Variants in ANKRD44 observed in about 807,000 individuals in gnomAD.
ANKRD44 encodes ankyrin repeat domain 44, also known as serine/threonine-protein phosphatase 6 regulatory ankyrin repeat subunit B.
In ANKRD44, 35 loss-of-function variants were observed where a neutral mutation model predicts 116.0. That is an observed-to-expected ratio of 0.30 (90% CI 0.23 to 0.40). ANKRD44 has a LOEUF of 0.40. ANKRD44 is among the 10% of genes least tolerant of loss of function. The pLI is 1.00. For missense variants in ANKRD44, 1,014 were observed against 1,242.6 expected (o/e 0.82, Z 2.77); for synonymous variants, 435 against 461.8 (o/e 0.94, Z 0.74).
intron 8 of ANKRD44, among the ~76,000 whole-genome samples, chr2:197,113,449 T>C (rs2078636707): frequency 6.6e-6 from 1 of 152,252 alleles, no homozygotes; most frequent in Non-Finnish European, 1.5e-5. Context: ...TTTCTCTTAA[T>C]ATGAAACCAT....
intron 2 of ANKRD44, among the ~76,000 whole-genome samples, chr2:197,184,361 G>A (rs921241900): frequency 1.3e-5 from 2 of 151,902 alleles, no homozygotes; most frequent in Non-Finnish European, 2.9e-5. Flanking sequence ...TTCCATGGTG[G>A]CCGGGCGCAG....
intron 16 of ANKRD44, among the ~76,000 whole-genome samples, chr2:197,075,492 G>A (rs1384621036): frequency 6.6e-6 from 1 of 152,158 alleles, no homozygotes; most frequent in Non-Finnish European, 1.5e-5. Context: ...ACAGCTCTCA[G>A]TACATGTTTG....
At chr2:196,982,108 T>TATATATATATATATA (rs2075805174), downstream of ANKRD44, among the ~76,000 whole-genome samples, 1 of 96,548 alleles carries the variant, frequency 1.0e-5, no homozygotes, top group Non-Finnish European at 2.1e-5. Flanking sequence ...CTAAAAAAAA[T>TATATATATATATATA]TATATATATA....
chr2:197,246,151 C>T (rs1459817203), intron 1 of ANKRD44, among the ~76,000 whole-genome samples: 3 of 151,918 alleles, frequency 2.0e-5, no homozygotes, highest in African/African-American at 4.8e-5. Context: ...AATGACTGTG[C>T]CCTGCCTACC....
chr2:197,119,205 T>A (rs2078794934), intron 8 of ANKRD44, among the ~76,000 whole-genome samples: 1 of 152,152 alleles, frequency 6.6e-6, no homozygotes, highest in African/African-American at 2.4e-5. Context: ...ATGATTATTT[T>A]CCTTTTTTTT....
intron 1 of ANKRD44, among the ~76,000 whole-genome samples, chr2:197,235,679 C>T (rs1417384166): frequency 2.0e-5 from 3 of 148,842 alleles, no homozygotes; most frequent in Non-Finnish European, 4.4e-5. Context: ...ATAAAAACAG[C>T]TGGGGAGATA....
chr2:197,137,691 C>G (rs1419179745), intron 3 of ANKRD44, among the ~76,000 whole-genome samples: 1 of 152,186 alleles, frequency 6.6e-6, no homozygotes, highest in Non-Finnish European at 1.5e-5. Context: ...AAAACAAAGA[C>G]AGCTGGAATG....
At chr2:197,025,803 G>A (rs1320426595) in intron 16 of ANKRD44, among the ~76,000 whole-genome samples, 1 of 152,134 alleles carries the variant, frequency 6.6e-6, no homozygotes, top group Non-Finnish European at 1.5e-5. Context: ...TAAATAAGAA[G>A]AATTAAACCA....
chr2:197,216,606 A>C (rs185906479), intron 1 of ANKRD44, among the ~76,000 whole-genome samples: 2,270 of 152,220 alleles, frequency 0.015, 69 homozygotes, highest in African/African-American at 0.052. Flanking sequence ...TTGTGGGAGG[A>C]GAGCAAGGGT....
chr2:196,989,484 C>A lies in ANKRD44; in HGVS notation c.*107G>T. The A allele has an allele frequency of 1.5e-6, 2 of 1,338,466 alleles. No homozygotes were observed. Among genetic ancestry groups the A allele is most frequent in the South Asian group, 4.0e-5 (2 of 49,400 alleles). 82.9% of individuals were successfully genotyped at this position (1,338,466 alleles called of 1,614,324 possible). ...CCATTTTAGACTGAAGCATTTTGGTCCTCATGTGTAGCTGGCTGATGAACT... is the reference window on the plus strand; with the variant it reads ...CCATTTTAGACTGAAGCATTTTGGTACTCATGTGTAGCTGGCTGATGAACT... On this transcript the variant is annotated 3_prime_UTR_variant, in exon 28 of 28. Coordinates refer to ENST00000282272, the MANE Select transcript of ANKRD44 (RefSeq NM_001195144.2).
chr2:197,002,915 A>T (rs1222368159), intron 21 of ANKRD44, among the ~76,000 whole-genome samples: 2 of 152,204 alleles, frequency 1.3e-5, no homozygotes, highest in Non-Finnish European at 2.9e-5. Flanking sequence ...GACAATTTGA[A>T]ATATTAAAAT....
At chr2:197,077,586 A>G (rs993882234) in intron 16 of ANKRD44, among the ~76,000 whole-genome samples, 1 of 152,198 alleles carries the variant, frequency 6.6e-6, no homozygotes, top group South Asian at 2.1e-4. Flanking sequence ...ACTACACCCC[A>G]GAGGAATTTT....
chr2:197,234,194 A>ATTT (rs11436827), intron 1 of ANKRD44, among the ~76,000 whole-genome samples: 125 of 144,468 alleles, frequency 8.7e-4, no homozygotes, highest in African/African-American at 2.5e-3. Flanking sequence ...TAAGTCATAG[A>ATTT]TTTTTTTTTT....
At chr2:197,165,546 T>C (rs1189728932) in intron 2 of ANKRD44, among the ~76,000 whole-genome samples, 1 of 152,160 alleles carries the variant, frequency 6.6e-6, no homozygotes, top group Admixed American at 6.5e-5. Context: ...GGAATAGTGA[T>C]TGGGAACCAG....
intron 13 of ANKRD44, among the ~76,000 whole-genome samples, chr2:197,086,343 A>G (rs2077922565): frequency 6.6e-6 from 1 of 152,172 alleles, no homozygotes; most frequent in Admixed American, 6.5e-5. Flanking sequence ...ATAATAAAAT[A>G]TTCTAGATCT....
intron 1 of ANKRD44, among the ~76,000 whole-genome samples, chr2:197,254,175 C>T (rs1237095038): frequency 6.6e-6 from 1 of 152,178 alleles, no homozygotes; most frequent in African/African-American, 2.4e-5. Context: ...GGCAGATCAC[C>T]TGAGGTCAGG....
chr2:197,104,912 G>A (rs889646170), intron 9 of ANKRD44, among the ~76,000 whole-genome samples: 1 of 152,288 alleles, frequency 6.6e-6, no homozygotes, highest in Admixed American at 6.5e-5. Context: ...AGACTTCTGT[G>A]TGTAGAATTT....
At chr2:197,156,549 C>G (rs1044076652) in intron 2 of ANKRD44, among the ~76,000 whole-genome samples, 1 of 152,190 alleles carries the variant, frequency 6.6e-6, no homozygotes, top group Non-Finnish European at 1.5e-5. Flanking sequence ...TTGGCAATTT[C>G]TTAAAAACTT....
At chr2:197,034,029 T>C (rs2076758371) in intron 16 of ANKRD44, among the ~76,000 whole-genome samples, 1 of 139,382 alleles carries the variant, frequency 7.2e-6, no homozygotes, top group Admixed American at 7.6e-5. Flanking sequence ...CATAAATGTC[T>C]CAGGGGAGGC....
Sources: allele counts gnomAD v4.1 joint callset (sites outside exome capture counted in the v4.1 genomes callset), GRCh38; gene constraint gnomAD v4.1.1; transcripts MANE v1.5; gene names NCBI Gene and HGNC (gene_info 2026-07-23, HGNC 2026-07-21).